MTRF1: variants seen among roughly 807,000 people sequenced by gnomAD.
MTRF1 encodes mitochondrial translation release factor 1.
MTRF1 carries 51 observed loss-of-function variants against 62.9 expected under a neutral mutation model. That is an observed-to-expected ratio of 0.81 (90% confidence interval 0.65 to 1.02). The LOEUF (loss-of-function observed/expected upper bound fraction) is 1.02. MTRF1 is among the 50% of genes least tolerant of loss of function. MTRF1 has a pLI of 0.00. For missense variants in MTRF1, 446 were observed against 530.0 expected, an observed-to-expected ratio of 0.84 and a Z score of 1.56; for synonymous variants, 158 against 181.9, an observed-to-expected ratio of 0.87 and a Z score of 1.06.
chr13:41,291,996 G>A, the MTRF1 span, among the ~76,000 whole-genome samples: 1 of 152,150 alleles, frequency 6.6e-6, no homozygotes, highest in Non-Finnish European at 1.5e-5. Context: ...AAAATCTTGA[G>A]CTTGGAGCAA....
At chr13:41,230,138 A>G (rs541034592) in intron 7 of MTRF1, among the ~76,000 whole-genome samples, 166 of 151,998 alleles carry the variant, frequency 1.1e-3, no homozygotes, top group African/African-American at 3.7e-3. Flanking sequence ...ATTTTTGGGG[A>G]AAAAATGGCA....
chr13:41,275,117 T>C, the MTRF1 span, among the ~76,000 whole-genome samples: 2 of 152,350 alleles, frequency 1.3e-5, no homozygotes, highest in South Asian at 4.1e-4. Flanking sequence ...TGAAGATTCA[T>C]TTGATGAATC....
the MTRF1 span, among the ~76,000 whole-genome samples, chr13:41,292,920 A>G: frequency 6.6e-6 from 1 of 152,200 alleles, no homozygotes; most frequent in East Asian, 1.9e-4. Context: ...TGGGTGCCAG[A>G]GTGAGACACT....
At chr13:41,273,544 T>C in the MTRF1 span, among the ~76,000 whole-genome samples, 1 of 152,028 alleles carries the variant, frequency 6.6e-6, no homozygotes, top group South Asian at 2.1e-4. Flanking sequence ...TAGGGAGACA[T>C]GAGACATCAA....
At chr13:41,241,944 T>C (rs28695564) in intron 5 of MTRF1, among the ~76,000 whole-genome samples, 13 of 152,224 alleles carry the variant, frequency 8.5e-5, no homozygotes, top group African/African-American at 2.9e-4. Flanking sequence ...AATGCATCAC[T>C]GGGGTTACAA....
chr13:41,280,201 C>T, the MTRF1 span, among the ~76,000 whole-genome samples: 3 of 152,308 alleles, frequency 2.0e-5, no homozygotes, highest in South Asian at 4.2e-4. Flanking sequence ...TCCCAAAGTG[C>T]TGGGATTACA....
chr13:41,224,832 G>A (rs1278688541), intron 8 of MTRF1, among the ~76,000 whole-genome samples: 2 of 152,198 alleles, frequency 1.3e-5, no homozygotes, highest in Non-Finnish European at 1.5e-5. Flanking sequence ...AAGAGGCAGT[G>A]ACGTCTTTTT....
At chr13:41,248,194 T>G (rs371520089) in intron 5 of MTRF1, among the ~76,000 whole-genome samples, 4 of 152,320 alleles carry the variant, frequency 2.6e-5, no homozygotes, top group African/African-American at 9.6e-5. Context: ...CGATGTTGAC[T>G]CACTGCAACC....
the MTRF1 span, among the ~76,000 whole-genome samples, chr13:41,289,902 C>G: frequency 6.6e-6 from 1 of 152,112 alleles, no homozygotes; most frequent in Non-Finnish European, 1.5e-5. Flanking sequence ...TTCACCTGAC[C>G]TCCCGCCAAC....
At chr13:41,223,526 T>A (rs1031934346) in intron 8 of MTRF1, among the ~76,000 whole-genome samples, 172 bp from the exon 9 acceptor site, 1 of 148,842 alleles carries the variant, frequency 6.7e-6, no homozygotes, top group African/African-American at 2.5e-5. Flanking sequence ...TACTACAGGT[T>A]TGTAGAGCTC....
chr13:41,272,323 G>A, the MTRF1 span, among the ~76,000 whole-genome samples: 1 of 152,182 alleles, frequency 6.6e-6, no homozygotes, highest in African/African-American at 2.4e-5. Context: ...GGTATAGGGT[G>A]GAAGAAAAGT....
chr13:41,293,078 A>G, the MTRF1 span, among the ~76,000 whole-genome samples: 1 of 152,146 alleles, frequency 6.6e-6, no homozygotes, highest in Non-Finnish European at 1.5e-5. Flanking sequence ...TTTGGATCCA[A>G]TTGTCTTTTA....
At chr13:41,283,585 CTTTT>C in the MTRF1 span, among the ~76,000 whole-genome samples, 7 of 83,556 alleles carry the variant, frequency 8.4e-5, no homozygotes, top group South Asian at 9.9e-4. Context: ...CTCTGACAAT[CTTTT>C]TTTTTTTTTT....
the MTRF1 span, among the ~76,000 whole-genome samples, chr13:41,311,932 G>A: frequency 6.6e-6 from 1 of 152,330 alleles, no homozygotes; most frequent in Non-Finnish European, 1.5e-5. Context: ...AGCCCCTCAG[G>A]GATCCTCCCC....
chr13:41,221,832 GA>G (rs1323609997), intron 9 of MTRF1, among the ~76,000 whole-genome samples: 1 of 127,976 alleles, frequency 7.8e-6, no homozygotes, highest in Non-Finnish European at 1.7e-5. Context: ...GTCACTACTA[GA>G]AAAACAACTG....
At chr13:41,283,829 G>A in the MTRF1 span, among the ~76,000 whole-genome samples, 3 of 151,580 alleles carry the variant, frequency 2.0e-5, no homozygotes, top group Non-Finnish European at 2.9e-5. Flanking sequence ...CACCCGCCTC[G>A]GCCTCCCAAA....
At chr13:41,227,011 C>G (rs1373371592) in intron 7 of MTRF1, among the ~76,000 whole-genome samples, 1 of 152,130 alleles carries the variant, frequency 6.6e-6, no homozygotes, top group Non-Finnish European at 1.5e-5. Flanking sequence ...TTTATAATGG[C>G]TGGGCGCAGT....
chr13:41,280,713 G>A, the MTRF1 span, among the ~76,000 whole-genome samples: 3 of 152,238 alleles, frequency 2.0e-5, no homozygotes, highest in African/African-American at 4.8e-5. Flanking sequence ...TGTGTTACAC[G>A]CCACTGGTCA....
intron 5 of MTRF1, among the ~76,000 whole-genome samples, chr13:41,241,721 T>G (rs931234729): frequency 2.6e-5 from 4 of 152,264 alleles, no homozygotes; most frequent in Admixed American, 2.0e-4. Flanking sequence ...GAACTTGGGC[T>G]GCTGACCTGT....
Sources: allele counts gnomAD v4.1 joint callset (sites outside exome capture counted in the v4.1 genomes callset), GRCh38; gene constraint gnomAD v4.1.1; transcripts MANE v1.5; gene names NCBI Gene and HGNC (gene_info 2026-07-23, HGNC 2026-07-21).